FAM135A: variants seen among roughly 807,000 people sequenced by gnomAD.
The protein encoded by FAM135A is protein FAM135A.
A neutral mutation model predicts 146.8 loss-of-function variants in FAM135A; 79 were observed. The observed-to-expected ratio is 0.54, with a 90% CI of 0.45 to 0.65. FAM135A has a LOEUF of 0.65. FAM135A is among the 30% of genes least tolerant of loss of function. The probability of loss-of-function intolerance (pLI) is 0.00; values close to 1 mark genes in which losing one functional copy is unlikely to be tolerated. For synonymous variants in FAM135A, 562 were observed against 603.6 expected, an observed-to-expected ratio of 0.93 and a Z score of 1.01; for missense variants, 1,623 against 1,758.2, an observed-to-expected ratio of 0.92 and a Z score of 1.38.
intron 11 of FAM135A, 112 bp downstream of exon 11, chr6:70,491,195 A>G (rs1785883118): frequency 2.3e-6 from 2 of 881,720 alleles, no homozygotes. Context: ...TAAAATGCAA[A>G]GATAAAATGG....
At position 70,452,399 on chromosome 6, in the gene FAM135A, T is replaced by G. The variant is rs187205603; in HGVS notation, c.78-93T>G. On this transcript the variant is annotated intron_variant, in intron 4 of 21. Transcript: ENST00000418814. ...GGAGACTGATATAATTAGGCCAACT[T>G]TATTATTTTAATATGGATACAAATG... The G allele has an allele frequency of 9.2e-5, 85 of 925,402 alleles. No homozygotes were observed. In the African/African-American group the frequency reaches 1.4e-3, roughly 15 times the overall value. 57.3% of individuals were successfully genotyped at this position (925,402 alleles called of 1,614,324 possible). A position where few individuals can be genotyped will look rare whatever the true frequency, so the allele number is the denominator to read the frequency against.
At chr6:70,506,592 T>C (rs1176916611) in intron 12 of FAM135A, among the ~76,000 whole-genome samples, 2 of 151,908 alleles carry the variant, frequency 1.3e-5, no homozygotes, top group Non-Finnish European at 2.9e-5. Flanking sequence ...AAGAGGAGAG[T>C]TGATACCTCT....
At position 70,502,574 on chromosome 6, in the gene FAM135A, A is replaced by G. The variant is rs539487041; in HGVS notation, c.874-62A>G. 8 of 1,513,002 alleles carry G rather than the reference A, an allele frequency of 5.3e-6. No homozygotes were observed. In the East Asian group the frequency reaches 9.1e-5, roughly 17 times the overall value. The allele number at this position is 1,513,002 out of a possible 1,614,324, so 93.7% of individuals were successfully genotyped here. ...TTGTATTAATATTCTCAATAACATTATATTTAAGTATGTTACATTAAATCT... is the reference window on the plus strand; with the variant it reads ...TTGTATTAATATTCTCAATAACATTGTATTTAAGTATGTTACATTAAATCT... On this transcript the variant is annotated intron_variant, in intron 11 of 21. Transcript: ENST00000418814.
At chr6:70,418,657 G>A (rs1243558555) in intron 2 of FAM135A, among the ~76,000 whole-genome samples, 1 of 152,192 alleles carries the variant, frequency 6.6e-6, no homozygotes, top group Non-Finnish European at 1.5e-5. Context: ...TCCAGTGACT[G>A]AGCATGTTTA....
chr6:70,475,190 T>G (rs115728833), intron 5 of FAM135A, among the ~76,000 whole-genome samples: 3,109 of 152,316 alleles, frequency 0.02, 105 homozygotes, highest in African/African-American at 0.07. Context: ...CCTTTCAGAT[T>G]AAGATGTCAT....
At chr6:70,496,522 A>G (rs1004315353) in intron 11 of FAM135A, among the ~76,000 whole-genome samples, 1 of 152,008 alleles carries the variant, frequency 6.6e-6, no homozygotes. Flanking sequence ...CCCATTTGTC[A>G]ATTTTGGCTT....
rs754818109 is a variant in FAM135A at position 70,464,658 on chromosome 6, C to CTTTTTTTTTTTTTTTTTTTTTTTTTTT, written c.158-10744_158-10743insTTTTTTTTTTTTTTTTTTTTTTTTTTT. 1.2e-4 allele frequency among the ~76,000 whole-genome samples: 12 copies of CTTTTTTTTTTTTTTTTTTTTTTTTTTT among 100,426 alleles called. 3 individuals carry two copies. Among genetic ancestry groups the CTTTTTTTTTTTTTTTTTTTTTTTTTTT allele is most frequent in the African/African-American group, 4.1e-4 (11 of 26,692 alleles). The allele number at this position is 100,426 out of a possible 152,430, so 65.9% of individuals were successfully genotyped here. A position where few individuals can be genotyped will look rare whatever the true frequency, so the allele number is the denominator to read the frequency against. On this transcript the variant is annotated intron_variant, in intron 5 of 21. Coordinates refer to ENST00000418814, the MANE Select transcript of FAM135A (RefSeq NM_001162529.3). ...TTTAAATTTCTTTCTTTCTTTCTTTCTTTTTTTTCTTTTTTTTTTTTTTTT... is the reference window on the plus strand; with the variant it reads ...TTTAAATTTCTTTCTTTCTTTCTTTCTTTTTTTTTTTTTTTTTTTTTTTTTTTTTTTTTTTCTTTTTTTTTTTTTTTT...
intron 4 of FAM135A, among the ~76,000 whole-genome samples, chr6:70,451,178 A>G (rs1327100239): frequency 6.6e-6 from 1 of 152,162 alleles, no homozygotes; most frequent in East Asian, 1.9e-4. Flanking sequence ...AATGTCTCCA[A>G]ATTTTGTCAA....
Position 70,525,556 on chromosome 6 carries a change from T to C in FAM135A, c.2472T>C (p.Thr824=), listed in dbSNP as rs1175913628. Residue 824 remains threonine, a synonymous_variant, in exon 15 of 22, where the codon ACT becomes ACC. Transcript: ENST00000418814. ...AATTTTCATTAGGAAATCATTGTAC[T>C]GAGAGTACAAGTGCTATAAGTGAAA... is the stretch of plus-strand genomic sequence containing the variant. ...NVKFSLGNHC[T]ESTSAISEIQ... The C allele has an allele frequency of 6.2e-7, 1 of 1,613,404 alleles. No individual in the cohort carries two copies. Among genetic ancestry groups the C allele is most frequent in the East Asian group, 2.2e-5 (1 of 44,864 alleles).
At position 70,525,552 on chromosome 6, in the gene FAM135A, G is replaced by A; in HGVS notation, c.2468G>A (p.Cys823Tyr). The change falls in exon 15 of 22, where the codon TGT (cysteine) becomes TAT (tyrosine). Residue 823 changes from cysteine (C) to tyrosine (Y), a missense_variant. Cys to Tyr is a radical substitution (Grantham distance 194, BLOSUM62 -2). Coordinates refer to ENST00000418814, the MANE Select transcript of FAM135A (RefSeq NM_001162529.3). ...GTAAAATTTTCATTAGGAAATCATT[G>A]TACTGAGAGTACAAGTGCTATAAGT... ...YNVKFSLGNH[C>Y]TESTSAISEI... The A allele has an allele frequency of 6.2e-7, 1 of 1,613,172 alleles. No homozygotes were observed. Among genetic ancestry groups the A allele is most frequent in the Non-Finnish European group, 8.5e-7 (1 of 1,179,550 alleles).
Position 70,526,234 on chromosome 6 carries a change from T to C in FAM135A, c.3150T>C (p.Asp1050=), listed in dbSNP as rs1336569720. Residue 1050 remains aspartate (D), a synonymous_variant, in exon 15 of 22, where the codon GAT becomes GAC. Coordinates refer to ENST00000418814, the MANE Select transcript of FAM135A (RefSeq NM_001162529.3). ...ATTTTGGTTCTCAAAGCAGTACGGATATTTCTGACACATGTGCTGTTAGCT... is the reference window on the plus strand; with the variant it reads ...ATTTTGGTTCTCAAAGCAGTACGGACATTTCTGACACATGTGCTGTTAGCT... ...ENYFGSQSST[D]ISDTCAVSYS... 8.1e-6 allele frequency: 13 copies of C among 1,613,600 alleles called. No homozygotes were observed. Among genetic ancestry groups the C allele is most frequent in the Non-Finnish European group, 1.1e-5 (13 of 1,179,660 alleles).
At chr6:70,467,369 A>G (rs1780669652) in intron 5 of FAM135A, among the ~76,000 whole-genome samples, 1 of 151,908 alleles carries the variant, frequency 6.6e-6, no homozygotes, top group Non-Finnish European at 1.5e-5. Flanking sequence ...TCCCCTTTCA[A>G]AAATCTGGTA....
chr6:70,519,425 T>G (rs1793042921), intron 12 of FAM135A, among the ~76,000 whole-genome samples: 1 of 152,194 alleles, frequency 6.6e-6, no homozygotes, highest in African/African-American at 2.4e-5. Flanking sequence ...GAAAAAGCAG[T>G]GGCGAGTCAA....
At chr6:70,440,777 ATTAC>A (rs1339822862) in intron 4 of FAM135A, among the ~76,000 whole-genome samples, 1 of 152,192 alleles carries the variant, frequency 6.6e-6, no homozygotes, top group Non-Finnish European at 1.5e-5. Flanking sequence ...TTTTCTTAGT[ATTAC>A]TTAAGATCCT....
rs763023513 is a variant in FAM135A, at chr6:70,529,438, TA to T, written c.3775+1002del. Among the ~76,000 whole-genome samples, 592 of 134,860 alleles carry T rather than the reference TA, an allele frequency of 4.4e-3. 1 individual carries two copies. Among genetic ancestry groups the T allele is most frequent in the Non-Finnish European group, 5.6e-3 (347 of 62,088 alleles). 88.5% of individuals were successfully genotyped at this position (134,860 alleles called of 152,430 possible). On this transcript the variant is annotated intron_variant, in intron 16 of 21. Transcript: ENST00000418814. Reference sequence around the variant, plus strand: ...TGTCATAAAATTGGAGATTTTTCTTTAAAAAAAAAAAAAAAACCAGACTCTC... The same window carrying T: ...TGTCATAAAATTGGAGATTTTTCTTTAAAAAAAAAAAAAAACCAGACTCTC...
At chr6:70,425,963 C>T (rs1384555104) in intron 2 of FAM135A, among the ~76,000 whole-genome samples, 3 of 151,888 alleles carry the variant, frequency 2.0e-5, no homozygotes, top group African/African-American at 4.8e-5. Flanking sequence ...ATTAGCCGGG[C>T]GCGGTGGCGG....
At chr6:70,543,651 G>A (rs1009489819) in intron 20 of FAM135A, among the ~76,000 whole-genome samples, 7 of 152,170 alleles carry the variant, frequency 4.6e-5, no homozygotes, top group Admixed American at 1.3e-4. Flanking sequence ...AGCTAGAACC[G>A]TTGTGTGGAG....
intron 12 of FAM135A, 152 bp downstream of exon 12, chr6:70,502,943 A>G: frequency 2.6e-6 from 2 of 768,216 alleles, no homozygotes; most frequent in Non-Finnish European, 4.0e-6. Flanking sequence ...TCCAAAATTA[A>G]TAATAGAATA....
intron 9 of FAM135A, among the ~76,000 whole-genome samples, chr6:70,481,398 C>T (rs1345264934): frequency 1.3e-5 from 2 of 152,106 alleles, no homozygotes; most frequent in African/African-American, 4.8e-5. Context: ...CCTGTAATCC[C>T]AACACTTTGG....
Sources: gnomAD v4.1 joint callset for allele counts (sites outside exome capture counted in the v4.1 genomes callset) on GRCh38, gnomAD v4.1.1 for gene constraint, MANE v1.5 for transcripts, NCBI Gene and HGNC (gene_info 2026-07-23, HGNC 2026-07-21) for gene names.